Variants in WDR7 observed in about 807,000 individuals in gnomAD.
WDR7 encodes WD repeat domain 7, also known as WD repeat-containing protein 7.
In WDR7, 46 loss-of-function variants were observed where a neutral mutation model predicts 169.4. That is an observed-to-expected ratio of 0.27 (90% CI 0.21 to 0.35). The LOEUF is 0.35. Among genes scored for constraint, WDR7 ranks in the 10% least tolerant of loss-of-function variants. The pLI, the probability that WDR7 is intolerant of heterozygous loss-of-function variation, is 1.00. For synonymous variants in WDR7, 612 were observed against 666.8 expected, an observed-to-expected ratio of 0.92 and a Z score of 1.27; for missense variants, 1,534 against 1,859.3, an observed-to-expected ratio of 0.83 and a Z score of 3.22.
At chr18:57,013,774 G>C (rs576591986) in intron 26 of WDR7, among the ~76,000 whole-genome samples, 1 of 152,324 alleles carries the variant, frequency 6.6e-6, no homozygotes, top group South Asian at 2.1e-4. Context: ...GCAGCCCCAA[G>C]ACACTGTCCA....
intron 24 of WDR7, 90 bp from the exon 25 acceptor site, chr18:56,939,221 C>A: frequency 1.1e-6 from 1 of 935,744 alleles, no homozygotes; most frequent in Non-Finnish European, 1.6e-6. Flanking sequence ...TATAGACTTT[C>A]TATGGGCAAA....
At chr18:56,969,052 C>T (rs552628886) in intron 26 of WDR7, among the ~76,000 whole-genome samples, 1 of 152,240 alleles carries the variant, frequency 6.6e-6, no homozygotes, top group South Asian at 2.1e-4. Flanking sequence ...CAGGGCCCTG[C>T]CTAAACTCCA....
chr18:56,730,527 G>A (rs970029016), intron 13 of WDR7, among the ~76,000 whole-genome samples: 4 of 152,192 alleles, frequency 2.6e-5, no homozygotes, highest in African/African-American at 9.7e-5. Flanking sequence ...AGCACTTTGG[G>A]AGGCCGAGGC....
At chr18:56,948,752 G>T (rs1328884702) in intron 25 of WDR7, among the ~76,000 whole-genome samples, 1 of 152,154 alleles carries the variant, frequency 6.6e-6, no homozygotes, top group Non-Finnish European at 1.5e-5. Context: ...GTGAAGCCCA[G>T]CTTTCCTGAA....
chr18:56,660,936 T>G (rs927063939), intron 1 of WDR7, among the ~76,000 whole-genome samples: 4 of 152,154 alleles, frequency 2.6e-5, no homozygotes, highest in African/African-American at 9.7e-5. Context: ...GAAGTTTAAC[T>G]TGAGACATCA....
chr18:56,744,245 G>GAAAAAA lies in WDR7; in HGVS notation c.1990-12319_1990-12314dup, dbSNP rs58110613. Among the ~76,000 whole-genome samples, 307 of 86,870 alleles carry GAAAAAA rather than the reference G, an allele frequency of 3.5e-3. 1 individual carries two copies. The highest frequency in any genetic ancestry group is 0.029 in the East Asian group (61 of 2,082). 57.0% of individuals were successfully genotyped at this position (86,870 alleles called of 152,430 possible). ...CAGAGCGAGACTCCGTCTCAAAAAAGAAAAAAAAAAAAAAAAAAAAAAAAG... is the reference window on the plus strand; with the variant it reads ...CAGAGCGAGACTCCGTCTCAAAAAAGAAAAAAAAAAAAAAAAAAAAAAAAAAAAAAG... On this transcript the variant is annotated intron_variant, in intron 14 of 27. Coordinates refer to ENST00000254442, the MANE Select transcript of WDR7 (RefSeq NM_015285.3).
chr18:56,936,251 A>T, intron 23 of WDR7: 1 of 189,522 alleles, frequency 5.3e-6, no homozygotes, highest in Non-Finnish European at 1.1e-5. Flanking sequence ...CTTGTCATCA[A>T]AACTAAACTT....
intron 18 of WDR7, 136 bp from the exon 19 acceptor site, chr18:56,781,397 T>G: frequency 1.1e-6 from 1 of 937,146 alleles, no homozygotes; most frequent in Non-Finnish European, 1.4e-6. Context: ...CTCATTCGGT[T>G]AATAGTGTTT....
At chr18:56,844,534 A>G (rs997007361) in intron 20 of WDR7, among the ~76,000 whole-genome samples, 4 of 152,326 alleles carry the variant, frequency 2.6e-5, no homozygotes, top group African/African-American at 9.6e-5. Flanking sequence ...TGTAGTTTAG[A>G]GAATATAATT....
At chr18:56,819,270 G>A (rs1048473313) in intron 20 of WDR7, among the ~76,000 whole-genome samples, 12 of 152,224 alleles carry the variant, frequency 7.9e-5, no homozygotes, top group African/African-American at 2.4e-4. Flanking sequence ...TTTATTTGAA[G>A]CGAAGAATCT....
At chr18:56,673,083 C>CCTTACTA (rs1310808299) in intron 2 of WDR7, among the ~76,000 whole-genome samples, 3 of 151,922 alleles carry the variant, frequency 2.0e-5, no homozygotes, top group Non-Finnish European at 4.4e-5. Context: ...TATTGTCATT[C>CCTTACTA]CTTACTACTA....
intron 22 of WDR7, among the ~76,000 whole-genome samples, chr18:56,925,888 A>G (rs1364246646): frequency 5.3e-5 from 8 of 152,172 alleles, no homozygotes; most frequent in Non-Finnish European, 1.2e-4. Context: ...CCAGCAAATT[A>G]CTTTACCTCT....
rs140550007 is a variant in WDR7 at position 56,739,954 on chromosome 18, T to C, written c.1989+8357T>C. Among the ~76,000 whole-genome samples the C allele has an allele frequency of 3.3e-3, 496 of 151,878 alleles. 2 individuals carry two copies. The highest frequency in any genetic ancestry group is 7.7e-3 in the South Asian group (37 of 4,808). On this transcript the variant is annotated intron_variant, in intron 14 of 27. Transcript: ENST00000254442. ...TCTGTAGGTTTGTGTCTTTCACTAGTGCAGGAAAATTCTTGAGGCCATTAT... is the reference window on the plus strand; with the variant it reads ...TCTGTAGGTTTGTGTCTTTCACTAGCGCAGGAAAATTCTTGAGGCCATTAT...
At chr18:56,754,416 C>A (rs1371621365) in intron 14 of WDR7, among the ~76,000 whole-genome samples, 1 of 125,686 alleles carries the variant, frequency 8.0e-6, no homozygotes, top group East Asian at 2.9e-4. Flanking sequence ...CATATATACA[C>A]ACACAAATAT....
At chr18:56,663,675 A>G (rs902957004) in intron 1 of WDR7, among the ~76,000 whole-genome samples, 4 of 151,234 alleles carry the variant, frequency 2.6e-5, no homozygotes, top group African/African-American at 9.7e-5. Context: ...ATATATACAT[A>G]TATATATGCA....
chr18:56,746,299 C>A (rs1012690624), intron 14 of WDR7, among the ~76,000 whole-genome samples: 2 of 152,158 alleles, frequency 1.3e-5, no homozygotes, highest in Non-Finnish European at 2.9e-5. Context: ...TACATTCACA[C>A]CTCAATCACA....
intron 25 of WDR7, among the ~76,000 whole-genome samples, chr18:56,946,894 TAATA>T (rs1291338840): frequency 6.6e-6 from 1 of 152,238 alleles, no homozygotes; most frequent in Non-Finnish European, 1.5e-5. Flanking sequence ...TATTTTTCTG[TAATA>T]AATCCAGTAA....
At chr18:56,953,952 G>A (rs1238121992) in intron 25 of WDR7, among the ~76,000 whole-genome samples, 1 of 152,122 alleles carries the variant, frequency 6.6e-6, no homozygotes, top group Non-Finnish European at 1.5e-5. Context: ...CTTTTACATT[G>A]CATATTTCAT....
rs1010728234 is a variant in WDR7, at chr18:56,935,818, A to G, written c.3744A>G (p.Ala1248=). 6.2e-7 allele frequency: 1 copy of G among 1,614,056 alleles called. No homozygotes were observed. The highest frequency in any genetic ancestry group is 8.5e-7 in the Non-Finnish European group (1 of 1,180,042). The part of the protein sequence containing the change: ...NITMGLPLSP[A]ADSARSARHA... ...CAATGGGGTTGCCTCTGAGCCCAGC[A>G]GCTGACTCGGCCCGCTCTGCGAGGC... Residue 1248 remains alanine (A), a synonymous_variant, in exon 23 of 28, where the codon GCA becomes GCG. Transcript: ENST00000254442.
Sources: gnomAD v4.1 joint callset for allele counts (sites outside exome capture counted in the v4.1 genomes callset) on GRCh38, gnomAD v4.1.1 for gene constraint, MANE v1.5 for transcripts, NCBI Gene and HGNC (gene_info 2026-07-23, HGNC 2026-07-21) for gene names.